CEP290: variants seen among roughly 807,000 people sequenced by gnomAD.
CEP290 encodes the protein centrosomal protein 290.
In CEP290, 317 loss-of-function variants were observed where a neutral mutation model predicts 344.9. The observed-to-expected ratio is 0.92, with a 90% confidence interval of 0.84 to 1.01. The LOEUF (loss-of-function observed/expected upper bound fraction) is 1.01. Ranked by LOEUF, CEP290 falls within the 50% of genes least tolerant of loss-of-function variation. CEP290 has a pLI of 0.00. For synonymous variants in CEP290, 932 were observed against 895.8 expected, an observed-to-expected ratio of 1.04 and a Z score of -0.72; for missense variants, 2,754 against 2,761.4, an observed-to-expected ratio of 1.00 and a Z score of 0.06.
intron 47 of CEP290, 143 bp downstream of exon 47, chr12:88,060,687 C>G: frequency 5.1e-6 from 3 of 593,820 alleles, no homozygotes; most frequent in Non-Finnish European, 8.3e-6. Context: ...CCTTGCCTCT[C>G]ATAAGTTTTT....
chr12:88,060,036 A>G lies in CEP290; in HGVS notation c.6523-16T>C. The G allele has an allele frequency of 6.6e-7, 1 of 1,513,076 alleles. No individual in the cohort carries two copies. The highest frequency in any genetic ancestry group is 8.8e-7 in the Non-Finnish European group (1 of 1,130,248). The allele number at this position is 1,513,076 out of a possible 1,614,324, so 93.7% of individuals were successfully genotyped here. A position where few individuals can be genotyped will look rare whatever the true frequency, so the allele number is the denominator to read the frequency against. On this transcript the variant is annotated splice_polypyrimidine_tract_variant and intron_variant, in intron 47 of 53. Transcript: ENST00000552810. ...CTAATTCAGCCTAGTAAAAAAACAA[A>G]CAAAATAAAAAGTATACATTATCAA...
chr12:88,119,641 A>G (rs1416829563), intron 15 of CEP290, among the ~76,000 whole-genome samples: 1 of 152,152 alleles, frequency 6.6e-6, no homozygotes, highest in Non-Finnish European at 1.5e-5. Flanking sequence ...TCTACCAAAA[A>G]TACAAAAATT....
chr12:88,116,107 A>G, intron 18 of CEP290: 1 of 977,966 alleles, frequency 1.0e-6, no homozygotes, highest in Non-Finnish European at 1.2e-6. Flanking sequence ...GCTGTTGATA[A>G]GCCATGAAAA....
intron 46 of CEP290, among the ~76,000 whole-genome samples, chr12:88,061,728 T>A (rs2034493915): frequency 6.6e-6 from 1 of 152,048 alleles, no homozygotes; most frequent in Admixed American, 6.6e-5. Context: ...ATATTTTCAT[T>A]GATGAAACAA....
At position 88,086,039 on chromosome 12, in the gene CEP290, C is replaced by T. The variant is rs1438654655; in HGVS notation, c.4437G>A (p.Glu1479=). 1 of 1,606,458 alleles carries T rather than the reference C, an allele frequency of 6.2e-7. No homozygotes were observed. Among genetic ancestry groups the T allele is most frequent in the Non-Finnish European group, 8.5e-7 (1 of 1,176,324 alleles). Residue 1479 remains glutamate (E), a splice_region_variant and synonymous_variant, in exon 34 of 54, where the codon GAG becomes GAA. Coordinates refer to ENST00000552810, the MANE Select transcript of CEP290 (RefSeq NM_025114.4). ...ETRATCKSLE[E]KLKEKESALR... ...TCAAAATGCAAATTCTTCTAATTAC[C>T]TCTTCTAGTGATTTGCAAGTTGCCC...
At chr12:88,071,506 T>C in intron 42 of CEP290, 57 bp from the exon 43 acceptor site, 1 of 1,419,380 alleles carries the variant, frequency 7.0e-7, no homozygotes, top group South Asian at 1.3e-5. Context: ...GCTTTTCAAT[T>C]GCATACTCAT....
rs959651787 is a variant in CEP290, at chr12:88,089,081, C to A, written c.3980G>T (p.Gly1327Val). 1.3e-6 allele frequency: 2 copies of A among 1,538,820 alleles called. No individual in the cohort carries two copies. Among genetic ancestry groups the A allele is most frequent in the Non-Finnish European group, 1.7e-6 (2 of 1,147,828 alleles). ...KTLEMELKLK[G>V]LEELISTLKD... ...TAAAGTGCTTATTAACTCTTCCAGG[C>A]CCTTTAATTTTAATTCCATCTCCAA... is the stretch of plus-strand genomic sequence containing the variant. The change falls in exon 31 of 54, where the codon GGC becomes GTC. Residue 1327 changes from glycine (G) to valine (V), a missense_variant. By Grantham distance (109) the Gly-to-Val change is moderately radical. Transcript: ENST00000552810.
rs2033358904 is a variant in CEP290, at chr12:88,050,202, TAGTC to T, written c.7209+148_7209+151del. On this transcript the variant is annotated intron_variant, in intron 53 of 53. Transcript: ENST00000552810. The stretch of plus-strand genomic sequence containing the variant: ...TTTGTTAACTCTAATATGTTAGGAA[TAGTC>T]AGATGAACATAATTAACTTTGCAAT... 5.5e-6 allele frequency: 3 copies of T among 547,124 alleles called. No homozygotes were observed. The East Asian group carries it at 9.6e-5, about 18-fold the overall frequency. The allele number at this position is 547,124 out of a possible 1,614,324, so 33.9% of individuals were successfully genotyped here.
At chr12:88,086,731 C>CCATCCATCCATCCATCCATT (rs1285458237) in intron 32 of CEP290, among the ~76,000 whole-genome samples, 1 of 152,064 alleles carries the variant, frequency 6.6e-6, no homozygotes, top group Non-Finnish European at 1.5e-5. Flanking sequence ...ATCCATCCAT[C>CCATCCATCCATCCATCCATT]CATCCGTTCA....
chr12:88,131,655 A>G (rs1384263727), intron 6 of CEP290, among the ~76,000 whole-genome samples: 1 of 152,204 alleles, frequency 6.6e-6, no homozygotes, highest in Non-Finnish European at 1.5e-5. Context: ...AAAGCTATTA[A>G]GGATTTAATA....
chr12:88,130,963 T>C (rs1206126481), intron 7 of CEP290, among the ~76,000 whole-genome samples: 2 of 152,120 alleles, frequency 1.3e-5, no homozygotes, highest in Admixed American at 1.3e-4. Flanking sequence ...CGCATAGACC[T>C]GAGATGAATG....
At chr12:88,083,267 A>G in intron 36 of CEP290, 37 bp from the exon 37 acceptor site, 2 of 1,120,738 alleles carry the variant, frequency 1.8e-6, no homozygotes, top group South Asian at 2.1e-5. Context: ...AGGCATGTAT[A>G]ATTCAATGCC....
At chr12:88,080,001 T>C (rs2036073576) in intron 38 of CEP290, among the ~76,000 whole-genome samples, 181 bp downstream of exon 38, 1 of 152,222 alleles carries the variant, frequency 6.6e-6, no homozygotes, top group Non-Finnish European at 1.5e-5. Flanking sequence ...AATTGGACTA[T>C]ATCTGCCCAC....
In CEP290 at chr12:88,140,096, C is replaced by A. The variant is rs546468297; in HGVS notation, c.181-532G>T. Among the ~76,000 whole-genome samples the A allele has an allele frequency of 5.3e-5, 8 of 152,222 alleles. No homozygotes were observed. In the East Asian group the frequency reaches 1.5e-3, roughly 29 times the overall value. On this transcript the variant is annotated intron_variant, in intron 3 of 53. Coordinates refer to ENST00000552810, the MANE Select transcript of CEP290 (RefSeq NM_025114.4). ...ACTACAATTTCTAGATTTTTAATAG[C>A]ATGAAACATTTTTGATTCTCCTTTT...
At chr12:88,102,741 G>T (rs146980540) in intron 26 of CEP290, 97 bp downstream of exon 26, 2 of 890,232 alleles carry the variant, frequency 2.2e-6, no homozygotes, top group East Asian at 2.7e-5. Context: ...TATAAATGCA[G>T]GCAAACTTTA....
At position 88,103,002 on chromosome 12, in the gene CEP290, T is replaced by C. The variant is rs75220808; in HGVS notation, c.2827A>G (p.Ile943Val). 1,779 of 1,549,086 alleles carry C rather than the reference T, an allele frequency of 1.1e-3. 22 individuals are homozygous for C. The African/African-American group carries it at 0.022, about 19-fold the overall frequency. The change falls in exon 26 of 54, where the codon ATT (isoleucine) becomes GTT (valine). Residue 943 changes from isoleucine (I) to valine (V), a missense_variant. Physicochemically the swap from Ile to Val is conservative, Grantham distance 29. Transcript: ENST00000552810. ...GCLQRFKEMA[I>V]FKIAALQKVV... Reference sequence around the variant, plus strand: ...TTTTGGAGAGCTGCAATCTTGAAAATGGCCATTTCCTATGTAAATAAAGAT... The same window carrying C: ...TTTTGGAGAGCTGCAATCTTGAAAACGGCCATTTCCTATGTAAATAAAGAT...
chr12:88,124,942 T>C (rs1466001884), intron 13 of CEP290, among the ~76,000 whole-genome samples: 1 of 152,022 alleles, frequency 6.6e-6, no homozygotes. Flanking sequence ...CCATTCTTTG[T>C]TAATTATAAA....
chr12:88,052,999 G>A (rs531442534), intron 52 of CEP290, among the ~76,000 whole-genome samples: 1 of 152,230 alleles, frequency 6.6e-6, no homozygotes, highest in African/African-American at 2.4e-5. Flanking sequence ...AACTTTCCAA[G>A]GCTCTGTGGA....
rs775189201 is a variant in CEP290 at position 88,049,337 on chromosome 12, A to T, written c.7287T>A (p.Tyr2429Ter). The T allele has an allele frequency of 5.7e-6, 9 of 1,583,484 alleles. No individual in the cohort carries two copies. The South Asian group carries it at 1.0e-4, about 18-fold the overall frequency. ...TCTTCTTCACTTCTTCCTTGTAATTATACTTAAGATCTTCAATTTCTTCAA... is the reference window on the plus strand; with the variant it reads ...TCTTCTTCACTTCTTCCTTGTAATTTTACTTAAGATCTTCAATTTCTTCAA... ...SFFEEIEDLK[Y>*]NYKEEVKKNI... Residue 2429 changes from tyrosine (Y) to a stop codon, truncating the protein, a stop_gained, in exon 54 of 54, where the codon TAT (tyrosine) becomes TAA (stop). Transcript: ENST00000552810. LOFTEE classifies it high-confidence loss of function.
Sources: gnomAD v4.1 joint callset for allele counts (sites outside exome capture counted in the v4.1 genomes callset) on GRCh38, gnomAD v4.1.1 for gene constraint, MANE v1.5 for transcripts, NCBI Gene and HGNC (gene_info 2026-07-23, HGNC 2026-07-21) for gene names.